CCSER1: variants seen among roughly 807,000 people sequenced by gnomAD.
CCSER1 encodes the protein serine-rich coiled-coil domain-containing protein 1.
CCSER1 carries 41 observed loss-of-function variants against 82.0 expected under a neutral mutation model. The observed-to-expected ratio is 0.50, with a 90% CI of 0.39 to 0.65. CCSER1 has a LOEUF of 0.65. Ranked by LOEUF, CCSER1 falls within the 30% of genes least tolerant of loss-of-function variation. The pLI is 0.00. For missense variants in CCSER1, 1,119 were observed against 1,064.2 expected, an observed-to-expected ratio of 1.05 and a Z score of -0.72; for synonymous variants, 414 against 383.9, an observed-to-expected ratio of 1.08 and a Z score of -0.92.
intron 10 of CCSER1, among the ~76,000 whole-genome samples, chr4:91,149,007 G>C (rs895271920): frequency 1.2e-5 from 1 of 86,006 alleles, no homozygotes; most frequent in Admixed American, 1.1e-4. Context: ...CCCAGCAGTG[G>C]GATGGCTGGG....
chr4:91,574,514 T>C (rs2110293922), intron 10 of CCSER1, among the ~76,000 whole-genome samples: 1 of 151,970 alleles, frequency 6.6e-6, no homozygotes, highest in African/African-American at 2.4e-5. Context: ...TAACACTGAA[T>C]TGGATAAAGA....
intron 8 of CCSER1, chr4:90,911,414 A>G: frequency 4.6e-6 from 2 of 435,002 alleles, no homozygotes; most frequent in South Asian, 3.3e-5. Flanking sequence ...TCCTGAGCTC[A>G]TCTTTGGCCT....
At chr4:90,317,712 T>C (rs1043221292) in intron 3 of CCSER1, among the ~76,000 whole-genome samples, 1 of 152,194 alleles carries the variant, frequency 6.6e-6, no homozygotes, top group Admixed American at 6.6e-5. Flanking sequence ...TTAGGCTACA[T>C]GTTTATTGTG....
At chr4:91,290,175 A>G (rs1743637124) in intron 10 of CCSER1, among the ~76,000 whole-genome samples, 1 of 152,148 alleles carries the variant, frequency 6.6e-6, no homozygotes, top group South Asian at 2.1e-4. Flanking sequence ...AGACAAATAA[A>G]TACTGAGAAA....
intron 10 of CCSER1, among the ~76,000 whole-genome samples, chr4:91,496,676 TA>T (rs1758865738): frequency 5.0e-5 from 1 of 20,038 alleles, no homozygotes; most frequent in African/African-American, 1.1e-4. Context: ...ATATTCAATA[TA>T]TTTGAATATA....
intron 5 of CCSER1, among the ~76,000 whole-genome samples, chr4:90,525,718 A>G (rs981719491): frequency 6.6e-6 from 1 of 152,146 alleles, no homozygotes; most frequent in Non-Finnish European, 1.5e-5. Flanking sequence ...CACTGCTCAC[A>G]GCAGTCCGTA....
chr4:90,670,016 C>T (rs1732506705), intron 6 of CCSER1, among the ~76,000 whole-genome samples: 1 of 152,014 alleles, frequency 6.6e-6, no homozygotes, highest in African/African-American at 2.4e-5. Flanking sequence ...TGAGAAAAAT[C>T]ATTCATGAAT....
chr4:90,604,982 A>G (rs1449599675), intron 5 of CCSER1, among the ~76,000 whole-genome samples: 4 of 149,040 alleles, frequency 2.7e-5, no homozygotes, highest in Non-Finnish European at 4.4e-5. Flanking sequence ...CCCAGCCAGC[A>G]GCGGCAACTG....
At chr4:90,656,920 T>C (rs1729803670) in intron 6 of CCSER1, among the ~76,000 whole-genome samples, 2 of 152,028 alleles carry the variant, frequency 1.3e-5, no homozygotes, top group Admixed American at 6.6e-5. Flanking sequence ...ATTAAAATAC[T>C]TTATTTATCT....
chr4:90,688,412 A>G (rs571175619), intron 6 of CCSER1, among the ~76,000 whole-genome samples: 1 of 152,256 alleles, frequency 6.6e-6, no homozygotes, highest in African/African-American at 2.4e-5. Context: ...ATTTAATAAT[A>G]TATACCACCT....
intron 5 of CCSER1, among the ~76,000 whole-genome samples, chr4:90,495,900 C>G (rs1425923301): frequency 6.6e-6 from 1 of 152,124 alleles, no homozygotes; most frequent in African/African-American, 2.4e-5. Context: ...TTTGCTTTTA[C>G]CACAGAAAGA....
chr4:91,532,460 A>G (rs1328664349), intron 10 of CCSER1, among the ~76,000 whole-genome samples: 1 of 152,178 alleles, frequency 6.6e-6, no homozygotes, highest in Non-Finnish European at 1.5e-5. Context: ...GGTAATTATT[A>G]TACATACTTA....
chr4:90,200,491 A>C (rs1294821823), intron 1 of CCSER1, among the ~76,000 whole-genome samples: 1 of 148,462 alleles, frequency 6.7e-6, no homozygotes, highest in African/African-American at 2.6e-5. Flanking sequence ...AAAATCATAC[A>C]AAAAAACCCA....
chr4:91,397,781 T>C (rs1254583358), intron 10 of CCSER1, among the ~76,000 whole-genome samples: 1 of 152,032 alleles, frequency 6.6e-6, no homozygotes, highest in East Asian at 1.9e-4. Context: ...AATTAGACAC[T>C]TTCCAGACAG....
intron 6 of CCSER1, among the ~76,000 whole-genome samples, chr4:90,671,968 G>A (rs529860777): frequency 1.3e-5 from 2 of 152,066 alleles, no homozygotes; most frequent in South Asian, 4.1e-4. Context: ...ATTTTGAAAG[G>A]AATCTTATTT....
chr4:90,155,522 G>C (rs990472869), intron 1 of CCSER1, among the ~76,000 whole-genome samples: 1 of 152,138 alleles, frequency 6.6e-6, no homozygotes, highest in Non-Finnish European at 1.5e-5. Flanking sequence ...ACTCTTTTTG[G>C]TTGGTAAGGT....
In CCSER1 at chr4:90,931,624, G is replaced by C. The variant is rs185255755; in HGVS notation, c.2172+8177G>C. On this transcript the variant is annotated intron_variant, in intron 9 of 10. Transcript: ENST00000509176. ...ATGGCTTTTCTGTTTTGTCATGGTAGAGCTTTTGTTTCACTAGGCAATCAG... is the reference window on the plus strand; with the variant it reads ...ATGGCTTTTCTGTTTTGTCATGGTACAGCTTTTGTTTCACTAGGCAATCAG... Among the ~76,000 whole-genome samples, 102 of 152,214 alleles carry C rather than the reference G, an allele frequency of 6.7e-4. 1 individual carries two copies. Among genetic ancestry groups the C allele is most frequent in the African/African-American group, 2.3e-3 (94 of 41,552 alleles).
intron 9 of CCSER1, among the ~76,000 whole-genome samples, chr4:91,002,453 A>C (rs930808256): frequency 6.6e-6 from 1 of 151,896 alleles, no homozygotes; most frequent in Non-Finnish European, 1.5e-5. Flanking sequence ...ATTTTTTCTT[A>C]TTCTTTTTTC....
intron 8 of CCSER1, among the ~76,000 whole-genome samples, chr4:90,904,166 AATTTG>A (rs1339382459): frequency 6.6e-6 from 1 of 152,066 alleles, no homozygotes; most frequent in African/African-American, 2.4e-5. Context: ...TCAGAAGGAC[AATTTG>A]ATTTATCTTA....
Sources: gnomAD v4.1 joint callset for allele counts (sites outside exome capture counted in the v4.1 genomes callset) on GRCh38, gnomAD v4.1.1 for gene constraint, MANE v1.5 for transcripts, NCBI Gene and HGNC (gene_info 2026-07-23, HGNC 2026-07-21) for gene names.